The following ACSS1 variants were observed in gnomAD, a reference collection of about 807,000 sequenced individuals.
ACSS1 encodes the protein acyl-CoA synthetase short chain family member 1.
Under a neutral mutation model 75.3 loss-of-function variants are expected in ACSS1, and 42 were observed. That is an observed-to-expected ratio of 0.56 (90% CI 0.44 to 0.72). The LOEUF (loss-of-function observed/expected upper bound fraction) is 0.72, where lower values mean the gene tolerates loss of function less well. Among genes scored for constraint, ACSS1 ranks in the 30% least tolerant of loss-of-function variants. ACSS1 has a pLI of 0.00. For missense variants in ACSS1, 782 were observed against 935.7 expected, an observed-to-expected ratio of 0.84 and a Z score of 2.14; for synonymous variants, 380 against 376.8, an observed-to-expected ratio of 1.01 and a Z score of -0.10.
chr20:25,049,292 A>G (rs12481389), intron 1 of ACSS1, among the ~76,000 whole-genome samples: 19,057 of 152,170 alleles, frequency 0.13, 3,082 homozygotes, highest in African/African-American at 0.38. Flanking sequence ...TGTGTTGGGG[A>G]GCTGGGGGTG....
intron 5 of ACSS1, among the ~76,000 whole-genome samples, chr20:25,021,773 A>C (rs1370697668): frequency 3.9e-5 from 6 of 152,200 alleles, no homozygotes; most frequent in Non-Finnish European, 7.3e-5. Context: ...TAAACCCCTT[A>C]AGAACTACAA....
chr20:25,024,536 T>G (rs1213595739), intron 3 of ACSS1, among the ~76,000 whole-genome samples: 1 of 152,208 alleles, frequency 6.6e-6, no homozygotes, highest in East Asian at 1.9e-4. Context: ...CAAAGGCCTC[T>G]TGCAGAGCTA....
intron 1 of ACSS1, among the ~76,000 whole-genome samples, chr20:25,050,186 G>A (rs368254467): frequency 2.6e-5 from 4 of 152,146 alleles, no homozygotes; most frequent in East Asian, 1.9e-4. Flanking sequence ...GCAGGCATGC[G>A]TGTGTGAGTC....
At chr20:25,019,899 T>C in intron 7 of ACSS1, 111 bp downstream of exon 7, 1 of 1,488,874 alleles carries the variant, frequency 6.7e-7, no homozygotes, top group Non-Finnish European at 9.1e-7. Context: ...TTGCGTGAAT[T>C]CACACATACA....
In ACSS1 at chr20:25,007,368, T is replaced by C; in HGVS notation, c.*394A>G. ...AAATAAGATTTCTGACCTTTGTATC[T>C]AGACAGATCTGGAGAAAACACGGTT... On this transcript the variant is annotated 3_prime_UTR_variant, in exon 14 of 14. Transcript: ENST00000323482. 9.1e-7 allele frequency: 1 copy of C among 1,093,732 alleles called. No homozygotes were observed. The allele number at this position is 1,093,732 out of a possible 1,614,324, so 67.8% of individuals were successfully genotyped here.
intron 1 of ACSS1, among the ~76,000 whole-genome samples, chr20:25,050,076 C>A (rs898462147): frequency 6.6e-6 from 1 of 152,098 alleles, no homozygotes; most frequent in African/African-American, 2.4e-5. Flanking sequence ...AACACAACTG[C>A]CAGGGAGAAA....
rs527248203 is a variant in ACSS1 at position 25,057,739 on chromosome 20, G to A, written c.334+30C>T. The A allele has an allele frequency of 3.1e-5, 48 of 1,525,724 alleles. 1 individual carries two copies. In the South Asian group the frequency reaches 5.7e-4, roughly 18 times the overall value. The allele number at this position is 1,525,724 out of a possible 1,614,324, so 94.5% of individuals were successfully genotyped here. On this transcript the variant is annotated intron_variant, in intron 1 of 13. Coordinates refer to ENST00000323482, the MANE Select transcript of ACSS1 (RefSeq NM_032501.4). ...GTCCCCTCGGGACCCAAGAGTTGGG[G>A]GCGTCCTGGGTCTCCCGAAGCCCAC... is the stretch of plus-strand genomic sequence containing the variant.
Position 25,030,826 on chromosome 20 carries a change from G to T in ACSS1, c.564C>A (p.Ile188=). The T allele has an allele frequency of 6.2e-7, 1 of 1,614,240 alleles. No individual in the cohort carries two copies. The highest frequency in any genetic ancestry group is 1.1e-5 in the South Asian group (1 of 91,090). ...CAAAGATGACTGTGTGGACAGCTCCGATCCTGGCACAGGCCAGCATTGCTG... is the reference window on the plus strand; with the variant it reads ...CAAAGATGACTGTGTGGACAGCTCCTATCCTGGCACAGGCCAGCATTGCTG... ...AVAAMLACAR[I]GAVHTVIFAG... The change falls in exon 3 of 14, where the codon ATC becomes ATA. Residue 188 remains isoleucine (I), a synonymous_variant. Coordinates refer to ENST00000323482, the MANE Select transcript of ACSS1 (RefSeq NM_032501.4).
At chr20:25,054,274 G>A (rs187757599) in intron 1 of ACSS1, among the ~76,000 whole-genome samples, 2 of 152,312 alleles carry the variant, frequency 1.3e-5, no homozygotes, top group Admixed American at 1.3e-4. Flanking sequence ...AAGCCCATGT[G>A]GTCCAGTTCA....
rs1299092037 is a variant in ACSS1, at chr20:25,040,001, C to T, written c.431+8084G>A. ...GAGTCCTGGAAGCCAGCCCCGAGAA[C>T]AGCTGGTGCCCTGGCAGAACATTCG... On this transcript the variant is annotated intron_variant, in intron 2 of 13. Coordinates refer to ENST00000323482, the MANE Select transcript of ACSS1 (RefSeq NM_032501.4). Among the ~76,000 whole-genome samples, 3 of 152,362 alleles carry T rather than the reference C, an allele frequency of 2.0e-5. 1 individual carries two copies. Among genetic ancestry groups the T allele is most frequent in the African/African-American group, 7.2e-5 (3 of 41,590 alleles).
In ACSS1 at chr20:25,057,986, C is replaced by G; in HGVS notation, c.117G>C (p.Ser39=). 2 of 1,536,456 alleles carry G rather than the reference C, an allele frequency of 1.3e-6. No homozygotes were observed. The highest frequency in any genetic ancestry group is 2.0e-5 in the Admixed American group (1 of 50,100). ...CTGCGGGAGCGCTGCCCGAGGGTCCCGAGGCCGCCCTGCGCGGCGCGCTCA... is the reference window on the plus strand; with the variant it reads ...CTGCGGGAGCGCTGCCCGAGGGTCCGGAGGCCGCCCTGCGCGGCGCGCTCA... The part of the protein sequence containing the change: ...CGVSAPRRAA[S]GPSGSAPAVA... The change falls in exon 1 of 14, where the codon TCG becomes TCC. Residue 39 remains serine (S), a synonymous_variant. Coordinates refer to ENST00000323482, the MANE Select transcript of ACSS1 (RefSeq NM_032501.4).
chr20:25,029,690 T>C (rs6050257), intron 3 of ACSS1, among the ~76,000 whole-genome samples: 5,533 of 152,276 alleles, frequency 0.036, 170 homozygotes, highest in African/African-American at 0.08. Flanking sequence ...GAATGGAGAA[T>C]GTCTGCTTAA....
chr20:25,022,879 C>A, intron 5 of ACSS1, 61 bp downstream of exon 5: 1 of 1,519,402 alleles, frequency 6.6e-7, no homozygotes, highest in Non-Finnish European at 8.8e-7. Context: ...AGGAGGACTT[C>A]CAGCCCTGCC....
intron 2 of ACSS1, among the ~76,000 whole-genome samples, chr20:25,035,672 G>A (rs960767901): frequency 6.6e-6 from 1 of 152,156 alleles, no homozygotes; most frequent in Admixed American, 6.5e-5. Context: ...CCAAAGTGCT[G>A]GAATTACAGG....
rs768535821 is a variant in ACSS1 at position 25,006,922 on chromosome 20, G to T, written c.*840C>A. On this transcript the variant is annotated 3_prime_UTR_variant, in exon 14 of 14. Coordinates refer to ENST00000323482, the MANE Select transcript of ACSS1 (RefSeq NM_032501.4). ...TCCCTGAAGAACCCAACTATTTGGAGTATGTTGCCTCTCCTATCAAGAGGC... is the reference window on the plus strand; with the variant it reads ...TCCCTGAAGAACCCAACTATTTGGATTATGTTGCCTCTCCTATCAAGAGGC... 250 of 1,535,352 alleles carry T rather than the reference G, an allele frequency of 1.6e-4. No individual in the cohort carries two copies. Among genetic ancestry groups the T allele is most frequent in the Non-Finnish European group, 2.0e-4 (233 of 1,146,716 alleles).
chr20:25,012,873 A>C lies in ACSS1; in HGVS notation c.1646T>G (p.Met549Arg). Residue 549 changes from methionine (M) to arginine (R), a missense_variant, in exon 11 of 14, where the codon ATG becomes AGG. Transcript: ENST00000323482. ...EGGYYQITGRMDDVINISGHR... is the reference protein window; with the variant it reads ...EGGYYQITGRRDDVINISGHR... ...GCCACTGATGTTGATGACATCATCC[A>C]TCCGCCCTGTGATCTGGTAATAGCC... The C allele has an allele frequency of 6.2e-7, 1 of 1,614,178 alleles. No homozygotes were observed. The highest frequency in any genetic ancestry group is 8.5e-7 in the Non-Finnish European group (1 of 1,180,032).
chr20:25,055,838 C>T (rs866151262), intron 1 of ACSS1, among the ~76,000 whole-genome samples: 47 of 152,198 alleles, frequency 3.1e-4, no homozygotes, highest in African/African-American at 9.9e-4. Context: ...ATCCATCCCA[C>T]GACTTTCTAG....
At chr20:25,012,061 C>T (rs112412435) in intron 12 of ACSS1, 2,280 of 155,462 alleles carry the variant, frequency 0.015, 64 homozygotes, top group African/African-American at 0.051. Context: ...TTGGTAAAGG[C>T]CATTCTAGTC....
chr20:25,014,387 A>C (rs1197829652), intron 8 of ACSS1, among the ~76,000 whole-genome samples: 55 of 152,222 alleles, frequency 3.6e-4, no homozygotes, highest in South Asian at 6.2e-4. Context: ...GAGAAAAAGA[A>C]CTGCTTCTGG....
Sources: gnomAD v4.1 joint callset for allele counts (sites outside exome capture counted in the v4.1 genomes callset) on GRCh38, gnomAD v4.1.1 for gene constraint, MANE v1.5 for transcripts, NCBI Gene and HGNC (gene_info 2026-07-23, HGNC 2026-07-21) for gene names.